FYCO1: variants seen among roughly 807,000 people sequenced by gnomAD.
FYCO1 encodes FYVE and coiled-coil domain autophagy adaptor 1, also known as FYVE and coiled-coil domain-containing protein 1.
In FYCO1, 122 loss-of-function variants were observed where a neutral mutation model predicts 165.1. The ratio of observed to expected loss-of-function variants is 0.74; its 90% CI spans 0.64 to 0.86. FYCO1 has a LOEUF of 0.86. FYCO1 is among the 40% of genes least tolerant of loss of function. The pLI, the probability that FYCO1 is intolerant of heterozygous loss-of-function variation, is 0.00. For missense variants in FYCO1, 1,702 were observed against 1,810.3 expected (o/e 0.94, Z 1.09); for synonymous variants, 648 against 742.5 (o/e 0.87, Z 2.07).
At chr3:45,980,077 C>T (rs935025903) in intron 3 of FYCO1, among the ~76,000 whole-genome samples, 2 of 152,148 alleles carry the variant, frequency 1.3e-5, no homozygotes, top group Admixed American at 6.5e-5. Context: ...TGGCCATGTG[C>T]GGTGGCTCAC....
Position 45,955,396 on chromosome 3 carries a change from G to A in FYCO1, c.3800-3C>T. On this transcript the variant is annotated splice_region_variant and splice_polypyrimidine_tract_variant and intron_variant, in intron 13 of 17. Coordinates refer to ENST00000296137, the MANE Select transcript of FYCO1 (RefSeq NM_024513.4). ...TGGCCTGTAGTCTGTATTTGCTCCT[G>A]GGCAGCAGAGGCAGATCAGGAGAGA... 1 of 1,614,148 alleles carries A rather than the reference G, an allele frequency of 6.2e-7. No individual in the cohort carries two copies. Among genetic ancestry groups the A allele is most frequent in the South Asian group, 1.1e-5 (1 of 91,082 alleles).
intron 5 of FYCO1, among the ~76,000 whole-genome samples, chr3:45,974,441 T>C (rs71325102): frequency 0.093 from 14,237 of 152,294 alleles, 1,028 homozygotes; most frequent in South Asian, 0.34. Flanking sequence ...TGCAAACTTT[T>C]TCAGCTCACA....
chr3:45,933,276 T>G (rs1013943791), intron 15 of FYCO1, among the ~76,000 whole-genome samples: 2 of 152,240 alleles, frequency 1.3e-5, no homozygotes, highest in Non-Finnish European at 1.5e-5. Flanking sequence ...TGTTCTGAGA[T>G]AATCCCAACC....
chr3:45,940,360 T>C (rs1006878322), intron 14 of FYCO1, among the ~76,000 whole-genome samples: 2 of 152,166 alleles, frequency 1.3e-5, no homozygotes, highest in African/African-American at 4.8e-5. Flanking sequence ...TCTCAGGAGT[T>C]GGGCGAGTGG....
At chr3:45,940,227 G>A (rs1005250297) in intron 14 of FYCO1, among the ~76,000 whole-genome samples, 1 of 152,222 alleles carries the variant, frequency 6.6e-6, no homozygotes, top group Non-Finnish European at 1.5e-5. Flanking sequence ...TGACCATCAA[G>A]TAATGGTCAG....
Position 45,979,692 on chromosome 3 carries a change from T to C in FYCO1, c.288+13A>G. On this transcript the variant is annotated intron_variant, in intron 4 of 17. Coordinates refer to ENST00000296137, the MANE Select transcript of FYCO1 (RefSeq NM_024513.4). ...AGGACGACATGAAGTTGTTGGCTGC[T>C]TGCTCAGCTTACCTCTGAGATAGAC... 1.2e-6 allele frequency: 2 copies of C among 1,613,698 alleles called. No individual in the cohort carries two copies. Among genetic ancestry groups the C allele is most frequent in the Non-Finnish European group, 1.7e-6 (2 of 1,179,694 alleles).
At position 45,943,081 on chromosome 3, in the gene FYCO1, G is replaced by C. The variant is rs139842312; in HGVS notation, c.3945-6538C>G. On this transcript the variant is annotated intron_variant, in intron 14 of 17. Transcript: ENST00000296137. ...CTTAACAGCTATCACATATGCTGGAGCTGCATATGCACGCAGAACCCAGCC... is the reference window on the plus strand; with the variant it reads ...CTTAACAGCTATCACATATGCTGGACCTGCATATGCACGCAGAACCCAGCC... Among the ~76,000 whole-genome samples, 289 of 152,322 alleles carry C rather than the reference G, an allele frequency of 1.9e-3. 1 individual carries two copies. The highest frequency in any genetic ancestry group is 6.8e-3 in the African/African-American group (281 of 41,556).
intron 4 of FYCO1, 100 bp downstream of exon 4, chr3:45,979,605 C>A: frequency 6.9e-7 from 1 of 1,441,632 alleles, no homozygotes; most frequent in Admixed American, 1.7e-5. Context: ...CCATAAACTC[C>A]CACTTCCTTA....
chr3:45,981,592 T>C lies in FYCO1; in HGVS notation c.140A>G (p.Tyr47Cys). 1 of 1,612,192 alleles carries C rather than the reference T, an allele frequency of 6.2e-7. No homozygotes were observed. Among genetic ancestry groups the C allele is most frequent in the Non-Finnish European group, 8.5e-7 (1 of 1,178,244 alleles). ...TACTTGCAGGAGATACTCAAGTTTATAAGAAAATTTATGCAAGCTGGTGCT... is the reference window on the plus strand; with the variant it reads ...TACTTGCAGGAGATACTCAAGTTTACAAGAAAATTTATGCAAGCTGGTGCT... ...DDSTSLHKFS[Y>C]KLEYLLQFDQ... is the part of the protein sequence containing the mutation. The change falls in exon 3 of 18, where the codon TAT becomes TGT. Residue 47 changes from tyrosine (Y) to cysteine (C), a missense_variant. Coordinates refer to ENST00000296137, the MANE Select transcript of FYCO1 (RefSeq NM_024513.4).
chr3:45,946,183 G>T, intron 14 of FYCO1: 1 of 317,532 alleles, frequency 3.1e-6, no homozygotes, highest in Admixed American at 4.5e-5. Context: ...ATTGAGCACA[G>T]GATTTTATGG....
chr3:45,958,990 T>A (rs1559455250), intron 12 of FYCO1, among the ~76,000 whole-genome samples: 1 of 152,216 alleles, frequency 6.6e-6, no homozygotes, highest in East Asian at 1.9e-4. Context: ...GAGATTCATC[T>A]TTATCCATCC....
intron 16 of FYCO1, among the ~76,000 whole-genome samples, chr3:45,928,763 T>C (rs576599017): frequency 2.6e-5 from 4 of 152,020 alleles, no homozygotes; most frequent in Admixed American, 6.5e-5. Flanking sequence ...TTCCCAGGGG[T>C]ACCCACAGTG....
At position 45,955,404 on chromosome 3, in the gene FYCO1, G is replaced by C. The variant is rs374837448; in HGVS notation, c.3800-11C>G. 6.2e-7 allele frequency: 1 copy of C among 1,614,136 alleles called. No homozygotes were observed. Among genetic ancestry groups the C allele is most frequent in the Non-Finnish European group, 8.5e-7 (1 of 1,180,018 alleles). On this transcript the variant is annotated splice_polypyrimidine_tract_variant and intron_variant, in intron 13 of 17. Coordinates refer to ENST00000296137, the MANE Select transcript of FYCO1 (RefSeq NM_024513.4). ...AGTCTGTATTTGCTCCTGGGCAGCA[G>C]AGGCAGATCAGGAGAGAAGAGACAC...
At chr3:45,930,603 C>A (rs192229997) in intron 16 of FYCO1, among the ~76,000 whole-genome samples, 1 of 152,318 alleles carries the variant, frequency 6.6e-6, no homozygotes, top group East Asian at 1.9e-4. Context: ...GTACCTGCCA[C>A]CAAGATTTCA....
At chr3:45,952,645 A>C (rs934299196) in intron 14 of FYCO1, among the ~76,000 whole-genome samples, 3 of 152,134 alleles carry the variant, frequency 2.0e-5, no homozygotes, top group African/African-American at 7.2e-5. Flanking sequence ...ACCAAACCAC[A>C]CATATTTGTC....
intron 11 of FYCO1, among the ~76,000 whole-genome samples, chr3:45,960,455 C>T (rs1705634811): frequency 6.6e-6 from 1 of 152,126 alleles, no homozygotes; most frequent in Non-Finnish European, 1.5e-5. Flanking sequence ...TTGAAATTGT[C>T]AGGAAGCAGG....
chr3:45,984,601 A>G lies in FYCO1; in HGVS notation c.55+255T>C. The G allele has an allele frequency of 1.2e-5, 7 of 603,298 alleles. No individual in the cohort carries two copies. In the South Asian group the frequency reaches 1.3e-4, roughly 12 times the overall value. The allele number at this position is 603,298 out of a possible 1,614,324, so 37.4% of individuals were successfully genotyped here. A position where few individuals can be genotyped will look rare whatever the true frequency, so the allele number is the denominator to read the frequency against. ...GTGTGCACTAATGGAAATCAGACCC[A>G]GTCCTGGAGCCGGGTGTATGATTTT... On this transcript the variant is annotated intron_variant, in intron 2 of 17. Coordinates refer to ENST00000296137, the MANE Select transcript of FYCO1 (RefSeq NM_024513.4).
rs368277819 is a variant in FYCO1 at position 45,965,164 on chromosome 3, G to A, written c.3058-39C>T. On this transcript the variant is annotated intron_variant, in intron 8 of 17. Transcript: ENST00000296137. ...GAAAGAAAGAGGACATAAAAGTAGG[G>A]TCCTTGCTCTGAGGATCCCTCAGCC... 2.7e-5 allele frequency: 41 copies of A among 1,523,048 alleles called. No individual in the cohort carries two copies. The African/African-American group carries it at 5.5e-4, about 20-fold the overall frequency. 94.3% of individuals were successfully genotyped at this position (1,523,048 alleles called of 1,614,324 possible).
intron 16 of FYCO1, among the ~76,000 whole-genome samples, chr3:45,924,426 A>T (rs1418994656): frequency 6.6e-6 from 1 of 152,080 alleles, no homozygotes; most frequent in East Asian, 1.9e-4. Context: ...GAAGGGCCTC[A>T]CTGTCAGAGA....
Sources: allele counts gnomAD v4.1 joint callset (sites outside exome capture counted in the v4.1 genomes callset), GRCh38; gene constraint gnomAD v4.1.1; transcripts MANE v1.5; gene names NCBI Gene and HGNC (gene_info 2026-07-23, HGNC 2026-07-21).